The following ABCD4 variants were observed in gnomAD, a reference collection of about 807,000 sequenced individuals.
ABCD4 encodes ATP binding cassette subfamily D member 4, also known as lysosomal cobalamin transporter ABCD4.
Under a neutral mutation model 86.3 loss-of-function variants are expected in ABCD4, and 53 were observed. That is an observed-to-expected ratio of 0.61 (90% CI 0.49 to 0.77). ABCD4 has a LOEUF of 0.77. Ranked by LOEUF, ABCD4 falls within the 30% of genes least tolerant of loss-of-function variation. The pLI, the probability that ABCD4 is intolerant of heterozygous loss-of-function variation, is 0.00. For synonymous variants in ABCD4, 328 were observed against 313.6 expected, an observed-to-expected ratio of 1.05 and a Z score of -0.49; for missense variants, 757 against 764.5, an observed-to-expected ratio of 0.99 and a Z score of 0.12.
At chr14:74,292,506 GCA>G in intron 10 of ABCD4, 43 bp downstream of exon 10, 1 of 1,604,116 alleles carries the variant, frequency 6.2e-7, no homozygotes, top group Non-Finnish European at 8.5e-7. Flanking sequence ...TCTGCCAGCA[GCA>G]CACACTTTGC....
At chr14:74,289,547 C>T in intron 13 of ABCD4, 28 bp from the exon 14 acceptor site, 1 of 1,612,384 alleles carries the variant, frequency 6.2e-7, no homozygotes, top group Non-Finnish European at 8.5e-7. Flanking sequence ...CCACACCAAC[C>T]TAGGAGGGCG....
In ABCD4 at chr14:74,295,223, T is replaced by G. The variant is rs534606672; in HGVS notation, c.669-25A>C. 7 of 1,614,038 alleles carry G rather than the reference T, an allele frequency of 4.3e-6. No individual in the cohort carries two copies. In the South Asian group the frequency reaches 7.7e-5, roughly 18 times the overall value. On this transcript the variant is annotated intron_variant, in intron 6 of 18. Transcript: ENST00000356924. ...CCTGGGCGGACCAAAGGGAAATGTG[T>G]GCTGACAACAGGGAGTACTGGCCTC...
intron 3 of ABCD4, chr14:74,299,335 C>T: frequency 1.9e-6 from 1 of 536,082 alleles, no homozygotes; most frequent in Non-Finnish European, 3.3e-6. Flanking sequence ...GGCCTGGGCC[C>T]AGGAGTGGAA....
At position 74,287,801 on chromosome 14, in the gene ABCD4, AG is replaced by A; in HGVS notation, c.1636+8del. ...GCATGGCATGTGCAGCCACAAGGCGAGACCTCACCTGCGTACTTCGGCTGCA... is the reference window on the plus strand; with the variant it reads ...GCATGGCATGTGCAGCCACAAGGCGAACCTCACCTGCGTACTTCGGCTGCA... On this transcript the variant is annotated splice_region_variant and intron_variant, in intron 17 of 18. Transcript: ENST00000356924. 1.2e-6 allele frequency: 2 copies of A among 1,608,912 alleles called. No homozygotes were observed. The highest frequency in any genetic ancestry group is 1.7e-6 in the Non-Finnish European group (2 of 1,177,588).
intron 8 of ABCD4, 37 bp downstream of exon 8, chr14:74,293,117 C>T: frequency 6.3e-7 from 1 of 1,599,094 alleles, no homozygotes; most frequent in South Asian, 1.1e-5. Flanking sequence ...ACCAGTCCAA[C>T]CCCATGGTTC....
chr14:74,288,173 G>A lies in ABCD4; in HGVS notation c.1559+34C>T, dbSNP rs766750130. The A allele has an allele frequency of 5.0e-6, 8 of 1,608,066 alleles. No individual in the cohort carries two copies. In the African/African-American group the frequency reaches 8.0e-5, roughly 16 times the overall value. On this transcript the variant is annotated intron_variant, in intron 16 of 18. Coordinates refer to ENST00000356924, the MANE Select transcript of ABCD4 (RefSeq NM_005050.4). ...CTGAAACCCACTGTCTTTATGGTGG[G>A]GCTATCTCTGGAGCACCCAAGCTCT...
At position 74,292,878 on chromosome 14, in the gene ABCD4, A is replaced by G. The variant is rs1448946586; in HGVS notation, c.815-9T>C. 3 of 1,614,040 alleles carry G rather than the reference A, an allele frequency of 1.9e-6. No individual in the cohort carries two copies. Among genetic ancestry groups the G allele is most frequent in the Non-Finnish European group, 2.5e-6 (3 of 1,180,038 alleles). On this transcript the variant is annotated splice_polypyrimidine_tract_variant and intron_variant, in intron 8 of 18. Coordinates refer to ENST00000356924, the MANE Select transcript of ABCD4 (RefSeq NM_005050.4). The stretch of plus-strand genomic sequence containing the variant: ...AAAGGTGTTGATGCCGACTGTAGAA[A>G]ACACATCTGTGAGACACCCAGGAAC...
At position 74,292,419 on chromosome 14, in the gene ABCD4, G is replaced by A. The variant is rs74063810; in HGVS notation, c.1029-43C>T. 19,645 of 1,608,526 alleles carry A rather than the reference G, an allele frequency of 0.012. 2,013 individuals are homozygous for A. The African/African-American group carries it at 0.23, about 19-fold the overall frequency. On this transcript the variant is annotated intron_variant, in intron 10 of 18. Coordinates refer to ENST00000356924, the MANE Select transcript of ABCD4 (RefSeq NM_005050.4). Reference sequence around the variant, plus strand: ...ATCTGAGGCAGGGTCTGGGAGCCAGGTGAAGGTGAACTCCTTTTCCTATCT... The same window carrying A: ...ATCTGAGGCAGGGTCTGGGAGCCAGATGAAGGTGAACTCCTTTTCCTATCT...
intron 5 of ABCD4, among the ~76,000 whole-genome samples, 175 bp downstream of exon 5, chr14:74,296,158 G>C (rs1301697202): frequency 1.3e-5 from 2 of 152,190 alleles, no homozygotes; most frequent in African/African-American, 4.8e-5. Context: ...GGATATCTGT[G>C]ACACTGCAAC....
chr14:74,286,395 C>G lies in ABCD4; in HGVS notation c.*66G>C, dbSNP rs1233010493. 6.4e-7 allele frequency: 1 copy of G among 1,559,262 alleles called. No homozygotes were observed. The highest frequency in any genetic ancestry group is 1.1e-5 in the South Asian group (1 of 89,774). On this transcript the variant is annotated 3_prime_UTR_variant, in exon 19 of 19. Coordinates refer to ENST00000356924, the MANE Select transcript of ABCD4 (RefSeq NM_005050.4). ...CCTGAGCTCGATCTTCGCTGTCAGT[C>G]CTCCTGGTCTCTCCTGAGGGCCGCC...
intron 6 of ABCD4, 126 bp from the exon 7 acceptor site, chr14:74,295,324 G>C (rs889286380): frequency 3.0e-5 from 32 of 1,071,434 alleles, no homozygotes; most frequent in Non-Finnish European, 4.0e-5. Context: ...GGCTGCCTCA[G>C]TCTGACCCTT....
At chr14:74,289,708 G>A (rs537141155) in intron 13 of ABCD4, 189 bp from the exon 14 acceptor site, 1 of 1,438,532 alleles carries the variant, frequency 7.0e-7, no homozygotes, top group South Asian at 1.5e-5. Context: ...CTTCAGAAGT[G>A]TGTTTAGGGG....
Position 74,297,938 on chromosome 14 carries a change from G to C in ABCD4, c.417C>G (p.Ile139Met). 1 of 1,613,140 alleles carries C rather than the reference G, an allele frequency of 6.2e-7. No homozygotes were observed. Among genetic ancestry groups the C allele is most frequent in the Non-Finnish European group, 8.5e-7 (1 of 1,179,758 alleles). Reference protein sequence around the residue: ...YYTLNVLRDDIDNPDQRISQD... With the variant: ...YYTLNVLRDDMDNPDQRISQD... Reference sequence around the variant, plus strand: ...TGAGTTGGGGCGCCTACGGGTTATCGATGTCATCCCGCAGCACGTTGAGGG... The same window carrying C: ...TGAGTTGGGGCGCCTACGGGTTATCCATGTCATCCCGCAGCACGTTGAGGG... The change falls in exon 4 of 19, where the codon ATC (isoleucine) becomes ATG (methionine). Residue 139 changes from isoleucine (I) to methionine (M), a missense_variant. By Grantham distance (10) the Ile-to-Met change is conservative. Transcript: ENST00000356924.
At position 74,285,959 on chromosome 14, in the gene ABCD4, A is replaced by G. The variant is rs2079657385; in HGVS notation, c.*502T>C. 1 of 152,686 alleles carries G rather than the reference A, an allele frequency of 6.5e-6. No individual in the cohort carries two copies. Among genetic ancestry groups the G allele is most frequent in the Non-Finnish European group, 1.5e-5 (1 of 68,410 alleles). The allele number at this position is 152,686 out of a possible 1,614,324, so 9.5% of individuals were successfully genotyped here. On this transcript the variant is annotated 3_prime_UTR_variant, in exon 19 of 19. Transcript: ENST00000356924. The stretch of plus-strand genomic sequence containing the variant: ...CAAATCTGGAGATTCAATAAAAAAG[A>G]TCATTCCATGATAGAGAAGACAGAA...
intron 1 of ABCD4, among the ~76,000 whole-genome samples, chr14:74,301,044 G>C (rs182466795): frequency 1.6e-3 from 240 of 152,184 alleles, no homozygotes; most frequent in Middle Eastern, 3.4e-3. Context: ...GTAGGAGACG[G>C]GGTTTCATCA....
At chr14:74,289,676 A>C in intron 13 of ABCD4, 157 bp from the exon 14 acceptor site, 1 of 1,456,360 alleles carries the variant, frequency 6.9e-7, no homozygotes, top group Middle Eastern at 2.4e-4. Flanking sequence ...GCCGGCAGAC[A>C]GCAGGGCAAG....
At chr14:74,291,462 T>C (rs1042554351) in intron 11 of ABCD4, among the ~76,000 whole-genome samples, 2 of 152,232 alleles carry the variant, frequency 1.3e-5, no homozygotes, top group African/African-American at 4.8e-5. Context: ...TGGGTCTTCA[T>C]GGCATCACAG....
chr14:74,287,666 G>C, intron 17 of ABCD4, 144 bp downstream of exon 17: 1 of 726,266 alleles, frequency 1.4e-6, no homozygotes, highest in East Asian at 2.7e-5. Context: ...CTGTTTACAC[G>C]GGCAGGGCCT....
intron 15 of ABCD4, 60 bp downstream of exon 15, chr14:74,288,656 C>G (rs1220050329): frequency 3.8e-6 from 6 of 1,579,856 alleles, no homozygotes; most frequent in Non-Finnish European, 5.2e-6. Flanking sequence ...CAGCACCTGC[C>G]TACCTGTAGC....
Sources: allele counts gnomAD v4.1 joint callset (sites outside exome capture counted in the v4.1 genomes callset), GRCh38; gene constraint gnomAD v4.1.1; transcripts MANE v1.5; gene names NCBI Gene and HGNC (gene_info 2026-07-23, HGNC 2026-07-21).